HOXA3: variants seen among roughly 807,000 people sequenced by gnomAD.
HOXA3 encodes homeobox A3, also known as homeobox protein Hox-A3.
HOXA3 carries 8 observed loss-of-function variants against 30.3 expected under a neutral mutation model. That is an observed-to-expected ratio of 0.26 (90% CI 0.15 to 0.48). The LOEUF is 0.48. Among genes scored for constraint, HOXA3 ranks in the 20% least tolerant of loss-of-function variants. The pLI is 0.99. For synonymous variants in HOXA3, 323 were observed against 273.1 expected (o/e 1.18, Z -1.80); for missense variants, 653 against 614.4 (o/e 1.06, Z -0.66).
chr7:27,120,007 G>A (rs1470618155), intron 4 of HOXA3, among the ~76,000 whole-genome samples: 1 of 152,160 alleles, frequency 6.6e-6, no homozygotes, highest in East Asian at 1.9e-4. Flanking sequence ...AGGAGTAGAA[G>A]CTGGTTTCCA....
rs150978906 is a variant in HOXA3 at position 27,108,146 on chromosome 7, C to T, written c.1101G>A (p.Val367=). 2.5e-6 allele frequency: 4 copies of T among 1,587,054 alleles called. No individual in the cohort carries two copies. Among genetic ancestry groups the T allele is most frequent in the South Asian group, 2.2e-5 (2 of 89,418 alleles). Residue 367 remains valine, a synonymous_variant, in exon 6 of 6, where the codon GTG becomes GTA. Coordinates refer to ENST00000612286, the MANE Select transcript of HOXA3 (RefSeq NM_153631.3). This position sits in a 1 kb window ranked among gnomAD's most constrained non-coding sequence, Gnocchi z 5.0. ...TCATGGGCTCCACATAGCTGCCCCC[C>T]ACGAAGACGGGGCTTCCCTGTATGT... ...TPHIQGSPVF[V]GGSYVEPMSN... is the part of the protein sequence containing the mutation.
intron 1 of HOXA3, chr7:27,145,914 G>A: frequency 6.2e-7 from 1 of 1,612,114 alleles, no homozygotes; most frequent in Non-Finnish European, 8.5e-7. Context: ...CCCATACACA[G>A]CACCTACGAG....
At chr7:27,131,352 C>T (rs1305941297) in intron 2 of HOXA3, among the ~76,000 whole-genome samples, 3 of 152,164 alleles carry the variant, frequency 2.0e-5, no homozygotes, top group Non-Finnish European at 4.4e-5. Context: ...CGCAGATCCC[C>T]CTTCCCCACA....
At chr7:27,149,348 T>G (rs1782889220) in intron 1 of HOXA3, among the ~76,000 whole-genome samples, 1 of 152,250 alleles carries the variant, frequency 6.6e-6, no homozygotes, top group Non-Finnish European at 1.5e-5. Flanking sequence ...TTACAAGATC[T>G]GTAAAACCCT....
intron 1 of HOXA3, among the ~76,000 whole-genome samples, chr7:27,144,889 G>C (rs953377059): frequency 6.6e-6 from 1 of 152,210 alleles, no homozygotes; most frequent in African/African-American, 2.4e-5. Context: ...TGGGCCCCTC[G>C]TTGGGTCCTG....
chr7:27,143,277 C>G, intron 1 of HOXA3: 1 of 1,605,538 alleles, frequency 6.2e-7, no homozygotes, highest in Non-Finnish European at 8.5e-7. Flanking sequence ...CTGTCGCTGC[C>G]GGGCGAGGGG....
chr7:27,150,277 C>T (rs1199504516), intron 1 of HOXA3: 2 of 152,326 alleles, frequency 1.3e-5, no homozygotes, highest in Non-Finnish European at 2.9e-5. Context: ...TCTCTCTCCT[C>T]CCTGCCAAAG....
At chr7:27,147,646 A>G (rs750229263) in intron 1 of HOXA3, 1 of 1,614,208 alleles carries the variant, frequency 6.2e-7, no homozygotes, top group Admixed American at 1.7e-5. Context: ...GAAGGGCCTC[A>G]GCGCGTCATA....
intron 4 of HOXA3, among the ~76,000 whole-genome samples, chr7:27,118,394 T>G (rs916669017): frequency 1.5e-4 from 23 of 148,942 alleles, no homozygotes; most frequent in Admixed American, 1.4e-3. Flanking sequence ...ATGCGCTGTA[T>G]TATGTGCTCA....
In HOXA3 at chr7:27,111,485, C is replaced by CGTGTGTGTGTGTGTGT. The variant is rs61655486; in HGVS notation, c.-120-741_-120-726dup. Among the ~76,000 whole-genome samples, 1,108 of 148,876 alleles carry CGTGTGTGTGTGTGTGT rather than the reference C, an allele frequency of 7.4e-3. 9 individuals carry two copies. Among genetic ancestry groups the CGTGTGTGTGTGTGTGT allele is most frequent in the East Asian group, 0.019 (97 of 4,978 alleles). ...GGAAAACTTTGTGTGGAACACATTG[C>CGTGTGTGTGTGTGTGT]GTGTGTGTGTGTGTGTGTGTGTGTG... is the stretch of plus-strand genomic sequence containing the variant. On this transcript the variant is annotated intron_variant, in intron 4 of 5. Coordinates refer to ENST00000612286, the MANE Select transcript of HOXA3 (RefSeq NM_153631.3).
chr7:27,152,465 CGCCAG>C lies in HOXA3; in HGVS notation c.-676_-672del. The C allele has an allele frequency of 9.5e-7, 1 of 1,057,742 alleles. No homozygotes were observed. Among genetic ancestry groups the C allele is most frequent in the Non-Finnish European group, 1.2e-6 (1 of 852,038 alleles). 65.5% of individuals were successfully genotyped at this position (1,057,742 alleles called of 1,614,324 possible). A position where few individuals can be genotyped will look rare whatever the true frequency, so the allele number is the denominator to read the frequency against. ...AGCGCGCCCAATCTCCAGCGGGAGC[CGCCAG>C]GCCTGGCCTGGCCGGGGCTTCCCTT... On this transcript the variant is annotated 5_prime_UTR_variant, in exon 1 of 6. It removes the in-frame stop codon of an upstream open reading frame in the 5' UTR. Coordinates refer to ENST00000612286, the MANE Select transcript of HOXA3 (RefSeq NM_153631.3).
chr7:27,110,654 G>A lies in HOXA3; in HGVS notation c.-14C>T. 1.9e-6 allele frequency: 3 copies of A among 1,598,474 alleles called. No homozygotes were observed. The highest frequency in any genetic ancestry group is 2.6e-6 in the Non-Finnish European group (3 of 1,167,806). On this transcript the variant is annotated 5_prime_UTR_variant, in exon 5 of 6. Coordinates refer to ENST00000612286, the MANE Select transcript of HOXA3 (RefSeq NM_153631.3). Reference sequence around the variant, plus strand: ...CGCTTTTTGCATCGCGTTGTTTCACGATCTTGATCGCACACTCTGACAGGG... The same window carrying A: ...CGCTTTTTGCATCGCGTTGTTTCACAATCTTGATCGCACACTCTGACAGGG...
At chr7:27,119,016 T>C (rs1784878456) in intron 4 of HOXA3, among the ~76,000 whole-genome samples, 1 of 152,190 alleles carries the variant, frequency 6.6e-6, no homozygotes, top group Admixed American at 6.6e-5. Flanking sequence ...TTGCAAAATC[T>C]AGAGAAACCT....
At chr7:27,114,354 T>A (rs1784556293) in intron 4 of HOXA3, among the ~76,000 whole-genome samples, 1 of 152,016 alleles carries the variant, frequency 6.6e-6, no homozygotes, top group Non-Finnish European at 1.5e-5. Context: ...CACTTCCAAT[T>A]GTGGGGTGAG....
chr7:27,145,774 CGGTGA>C, intron 1 of HOXA3: 1 of 1,614,196 alleles, frequency 6.2e-7, no homozygotes, highest in Non-Finnish European at 8.5e-7. Flanking sequence ...ATCTGGCGCT[CGGTGA>C]GGCAGAGCGC....
chr7:27,149,151 C>T (rs1218499727), intron 1 of HOXA3, among the ~76,000 whole-genome samples: 1 of 152,230 alleles, frequency 6.6e-6, no homozygotes, highest in Non-Finnish European at 1.5e-5. Context: ...GGTGTGCCTT[C>T]GAGATAGTTG....
chr7:27,149,377 C>T (rs563743528), intron 1 of HOXA3, among the ~76,000 whole-genome samples: 3 of 152,344 alleles, frequency 2.0e-5, no homozygotes, highest in East Asian at 1.9e-4. Flanking sequence ...CAGGCTCACC[C>T]GGTTCAGGAC....
chr7:27,115,598 C>G (rs1784678532), intron 4 of HOXA3: 1 of 152,292 alleles, frequency 6.6e-6, no homozygotes, highest in South Asian at 2.1e-4. Flanking sequence ...GGAAGGGATT[C>G]TCTGGGCCAA....
chr7:27,141,814 G>A (rs898140225), intron 1 of HOXA3: 15 of 1,612,408 alleles, frequency 9.3e-6, no homozygotes, highest in Non-Finnish European at 1.3e-5. Context: ...ATACTGCTCA[G>A]TACTTTAAAC....
Sources: gnomAD v4.1 joint callset for allele counts (sites outside exome capture counted in the v4.1 genomes callset) on GRCh38, gnomAD v4.1.1 for gene constraint, Gnocchi (gnomAD v3.1) non-coding constraint, MANE v1.5 for transcripts, NCBI Gene and HGNC (gene_info 2026-07-23, HGNC 2026-07-21) for gene names.